The following ZNF346 variants were observed in gnomAD, a reference collection of about 807,000 sequenced individuals.
ZNF346 encodes the protein double-stranded RNA-binding zinc finger protein JAZ.
A neutral mutation model predicts 33.7 loss-of-function variants in ZNF346; 23 were observed. The observed-to-expected ratio is 0.68, with a 90% CI of 0.49 to 0.97. The LOEUF (loss-of-function observed/expected upper bound fraction) is 0.97, where lower values mean the gene tolerates loss of function less well. Ranked by LOEUF, ZNF346 falls within the 50% of genes least tolerant of loss-of-function variation. The pLI is 0.00. For synonymous variants in ZNF346, 134 were observed against 142.4 expected, an observed-to-expected ratio of 0.94 and a Z score of 0.42; for missense variants, 340 against 371.1, an observed-to-expected ratio of 0.92 and a Z score of 0.69.
intron 8 of ZNF346, among the ~76,000 whole-genome samples, chr5:177,078,683 A>G (rs1420351286): frequency 6.6e-6 from 1 of 152,206 alleles, no homozygotes; most frequent in Non-Finnish European, 1.5e-5. Context: ...AGGCCAAGGC[A>G]GGCGGATCAC....
intron 4 of ZNF346, among the ~76,000 whole-genome samples, chr5:177,045,650 C>T (rs976940263): frequency 4.6e-5 from 7 of 152,008 alleles, no homozygotes; most frequent in Non-Finnish European, 8.8e-5. Flanking sequence ...GCCACCACGC[C>T]GGCCAAAACC....
intron 8 of ZNF346, among the ~76,000 whole-genome samples, chr5:177,078,669 TGGG>T (rs1783863158): frequency 2.0e-5 from 3 of 152,174 alleles, no homozygotes; most frequent in Non-Finnish European, 4.4e-5. Context: ...CCCAGCACTT[TGGG>T]AGGCCAAGGC....
At chr5:177,075,377 C>T (rs1783699162) in intron 8 of ZNF346, among the ~76,000 whole-genome samples, 1 of 152,200 alleles carries the variant, frequency 6.6e-6, no homozygotes, top group Non-Finnish European at 1.5e-5. Context: ...GTACCCCGGC[C>T]TGGGCGACAG....
downstream of ZNF346, among the ~76,000 whole-genome samples, chr5:177,072,983 T>C (rs1302738561): frequency 1.3e-5 from 2 of 152,212 alleles, no homozygotes; most frequent in Non-Finnish European, 2.9e-5. Context: ...CTTGTCAACC[T>C]GGGGACCTCC....
chr5:177,027,696 CAG>C (rs1777002240), intron 1 of ZNF346, among the ~76,000 whole-genome samples: 1 of 148,816 alleles, frequency 6.7e-6, no homozygotes, highest in African/African-American at 2.5e-5. Context: ...TATTTAGAGA[CAG>C]GGTCTCTGTT....
At chr5:177,074,009 G>GT (rs1390417913) in intron 8 of ZNF346, among the ~76,000 whole-genome samples, 1 of 152,134 alleles carries the variant, frequency 6.6e-6, no homozygotes, top group Non-Finnish European at 1.5e-5. Flanking sequence ...CACAGACCAG[G>GT]TAGAGAGAGA....
Position 177,022,855 on chromosome 5 carries a change from G to C in ZNF346, c.117G>C (p.Glu39Asp). 1 of 1,531,034 alleles carries C rather than the reference G, an allele frequency of 6.5e-7. No individual in the cohort carries two copies. Among genetic ancestry groups the C allele is most frequent in the Non-Finnish European group, 8.8e-7 (1 of 1,137,918 alleles). The allele number at this position is 1,531,034 out of a possible 1,614,324, so 94.8% of individuals were successfully genotyped here. A position where few individuals can be genotyped will look rare whatever the true frequency, so the allele number is the denominator to read the frequency against. ...CGGACGGGGTGCGCTTTGACCGCGA[G>C]AGGGCGCGCCGCCTGTGGGAAGCCG... ...QEPDGVRFDR[E>D]RARRLWEAVS... is the part of the protein sequence containing the mutation. Residue 39 changes from glutamate to aspartate, a missense_variant, in exon 1 of 7, where the codon GAG becomes GAC. By Grantham distance (45) the Glu-to-Asp change is conservative. Transcript: ENST00000358149.
chr5:177,027,197 C>T (rs1156306200), intron 1 of ZNF346, among the ~76,000 whole-genome samples: 1 of 151,276 alleles, frequency 6.6e-6, no homozygotes, highest in Non-Finnish European at 1.5e-5. Context: ...GGATTACAGG[C>T]GCCTGCCAGC....
chr5:177,047,662 C>A (rs796222416), intron 4 of ZNF346, among the ~76,000 whole-genome samples: 1 of 152,124 alleles, frequency 6.6e-6, no homozygotes, highest in Non-Finnish European at 1.5e-5. Flanking sequence ...CCTGCCACCA[C>A]GCCCAGTTAA....
intron 1 of ZNF346, among the ~76,000 whole-genome samples, chr5:177,023,459 G>C (rs768169124): frequency 3.9e-5 from 6 of 152,126 alleles, no homozygotes; most frequent in Non-Finnish European, 8.8e-5. Flanking sequence ...TTATTCTAAG[G>C]TGGGGACAAG....
intron 1 of ZNF346, among the ~76,000 whole-genome samples, chr5:177,026,986 T>C (rs918841359): frequency 2.0e-5 from 3 of 152,150 alleles, no homozygotes; most frequent in African/African-American, 7.2e-5. Flanking sequence ...TAGGAAGTGA[T>C]TGCTATCTCA....
In ZNF346 at chr5:177,022,705, A is replaced by T. The variant is rs762678037; in HGVS notation, c.-34A>T. ...AAATCTCGCGATACCTAGGCGCCTG[A>T]GAGGCTCTCTACCGGTGAGGGTTTG... On this transcript the variant is annotated 5_prime_UTR_variant, in exon 1 of 7. Coordinates refer to ENST00000358149, the MANE Select transcript of ZNF346 (RefSeq NM_012279.4). The T allele has an allele frequency of 1.3e-6, 2 of 1,508,506 alleles. No homozygotes were observed. The highest frequency in any genetic ancestry group is 4.6e-5 in the Admixed American group (2 of 43,728). 93.4% of individuals were successfully genotyped at this position (1,508,506 alleles called of 1,614,324 possible). A position where few individuals can be genotyped will look rare whatever the true frequency, so the allele number is the denominator to read the frequency against.
chr5:177,057,285 ACT>A (rs1255185287), intron 5 of ZNF346, among the ~76,000 whole-genome samples: 6 of 151,382 alleles, frequency 4.0e-5, no homozygotes, highest in African/African-American at 7.3e-5. Flanking sequence ...CAAAAGTGAA[ACT>A]CTGTCTCAAA....
Position 177,064,577 on chromosome 5 carries a change from A to C in ZNF346, c.863A>C (p.Asp288Ala), listed in dbSNP as rs1562037537. The C allele has an allele frequency of 1.2e-6, 2 of 1,613,964 alleles. No individual in the cohort carries two copies. The highest frequency in any genetic ancestry group is 1.3e-5 in the African/African-American group (1 of 74,894). Residue 288 changes from aspartate to alanine, a missense_variant, in exon 7 of 7, where the codon GAC becomes GCC. Transcript: ENST00000358149. ...ATGCAAAGGCAACCCATTCAGAAAG[A>C]CTCAACCACCTTGGAAGACTAGAGG... ...IPMQRQPIQK[D>A]STTLED
At chr5:177,079,956 G>C (rs72813142) in exon 9 of ZNF346, 1 of 152,362 alleles carries the variant, frequency 6.6e-6, no homozygotes, top group Non-Finnish European at 1.5e-5. Context: ...GGGACGGGGG[G>C]TGCTACTGAG....
chr5:177,024,341 G>T (rs898728315), intron 1 of ZNF346, among the ~76,000 whole-genome samples: 1 of 151,312 alleles, frequency 6.6e-6, no homozygotes, highest in South Asian at 2.1e-4. Context: ...GGGATTACAG[G>T]CTGCTGCCAT....
chr5:177,028,496 T>TATATATATATATATATATATATA lies in ZNF346; in HGVS notation c.175+5583_175+5584insATATATATATATATATATATATA, dbSNP rs1554142623. On this transcript the variant is annotated intron_variant, in intron 1 of 6. Coordinates refer to ENST00000358149, the MANE Select transcript of ZNF346 (RefSeq NM_012279.4). ...TTCTCTCTTAAGCACTTGTGACGTT[T>TATATATATATATATATATATATA]TATATATATATATATATATATATAT... is the stretch of plus-strand genomic sequence containing the variant. Among the ~76,000 whole-genome samples, 115 of 90,450 alleles carry TATATATATATATATATATATATA rather than the reference T, an allele frequency of 1.3e-3. 1 individual carries two copies. The highest frequency in any genetic ancestry group is 5.9e-3 in the African/African-American group (101 of 17,098). The allele number at this position is 90,450 out of a possible 152,430, so 59.3% of individuals were successfully genotyped here.
Position 177,062,107 on chromosome 5 carries a change from A to G in ZNF346, c.753A>G (p.Ile251Met). 6.2e-7 allele frequency: 1 copy of G among 1,614,176 alleles called. No individual in the cohort carries two copies. Among genetic ancestry groups the G allele is most frequent in the Non-Finnish European group, 8.5e-7 (1 of 1,179,990 alleles). ...CATGTAAGATAGTGCTGAACTCCAT[A>G]GAACAGTACCAAGCTCATGTCAGCG... ...CKTCKIVLNS[I>M]EQYQAHVSGF... is the part of the protein sequence containing the mutation. Residue 251 changes from isoleucine (I) to methionine (M), a missense_variant, in exon 6 of 7, where the codon ATA becomes ATG. Physicochemically the swap from Ile to Met is conservative, Grantham distance 10 (BLOSUM62 1). Transcript: ENST00000358149.
chr5:177,064,252 G>A (rs988581912), intron 6 of ZNF346, among the ~76,000 whole-genome samples: 3 of 152,156 alleles, frequency 2.0e-5, no homozygotes, highest in South Asian at 4.1e-4. Flanking sequence ...AACATACTTC[G>A]GGCCAGCCAC....
Sources: gnomAD v4.1 joint callset for allele counts (sites outside exome capture counted in the v4.1 genomes callset) on GRCh38, gnomAD v4.1.1 for gene constraint, MANE v1.5 for transcripts, NCBI Gene and HGNC (gene_info 2026-07-23, HGNC 2026-07-21) for gene names.